The following SEZ6L variants were observed in gnomAD, a reference collection of about 807,000 sequenced individuals.
SEZ6L encodes seizure related 6 homolog like.
In SEZ6L, 37 loss-of-function variants were observed where a neutral mutation model predicts 106.2. That is an observed-to-expected ratio of 0.35 (90% CI 0.27 to 0.46). The LOEUF is 0.46. SEZ6L is among the 20% of genes least tolerant of loss of function. The probability of loss-of-function intolerance (pLI) is 1.00; values close to 1 mark genes in which losing one functional copy is unlikely to be tolerated. For synonymous variants in SEZ6L, 541 were observed against 570.4 expected (o/e 0.95, Z 0.73); for missense variants, 1,172 against 1,332.8 (o/e 0.88, Z 1.88).
At chr22:26,260,071 G>T (rs1345771428) in intron 1 of SEZ6L, among the ~76,000 whole-genome samples, 1 of 152,112 alleles carries the variant, frequency 6.6e-6, no homozygotes, top group East Asian at 1.9e-4. Flanking sequence ...TATACACAAT[G>T]CAAAGGTAAA....
chr22:26,290,527 G>C (rs1367956299), intron 1 of SEZ6L, among the ~76,000 whole-genome samples: 1 of 151,070 alleles, frequency 6.6e-6, no homozygotes, highest in African/African-American at 2.4e-5. Flanking sequence ...GTGAGACTCC[G>C]TCTCAAAAAA....
chr22:26,311,991 G>T, intron 8 of SEZ6L, 29 bp downstream of exon 8: 1 of 1,602,068 alleles, frequency 6.2e-7, no homozygotes, highest in Non-Finnish European at 8.5e-7. Context: ...CTCTTCCCAC[G>T]GCACCCCAGG....
rs1234649175 is a variant in SEZ6L, at chr22:26,292,230, G to A, written c.95-176G>A. The A allele has an allele frequency of 7.0e-6, 4 of 568,056 alleles. No homozygotes were observed. The East Asian group carries it at 1.2e-4, about 17-fold the overall frequency. 35.2% of individuals were successfully genotyped at this position (568,056 alleles called of 1,614,324 possible). A position where few individuals can be genotyped will look rare whatever the true frequency, so the allele number is the denominator to read the frequency against. ...AAGGAAGAAAAGAGAAAGAGGGAGA[G>A]AGGGAAGGAGGAGAAAAAAGAAAGG... On this transcript the variant is annotated intron_variant, in intron 1 of 16. Coordinates refer to ENST00000248933, the MANE Select transcript of SEZ6L (RefSeq NM_021115.5).
chr22:26,361,825 T>C (rs2146048175), intron 12 of SEZ6L, among the ~76,000 whole-genome samples: 1 of 152,140 alleles, frequency 6.6e-6, no homozygotes, highest in African/African-American at 2.4e-5. Context: ...TTAAATGAAA[T>C]GATGTGAGGT....
rs542295871 is a variant in SEZ6L at position 26,234,778 on chromosome 22, A to AGT, written c.95-57627_95-57626dup. 7.2e-5 allele frequency among the ~76,000 whole-genome samples: 11 copies of AGT among 152,380 alleles called. No individual in the cohort carries two copies. In the East Asian group the frequency reaches 2.1e-3, roughly 29 times the overall value. ...CAAATAGAGCACAGCCCCTGTCCTC[A>AGT]GTCTAGAAGGGACACAGCCACATAT... On this transcript the variant is annotated intron_variant, in intron 1 of 16. Coordinates refer to ENST00000248933, the MANE Select transcript of SEZ6L (RefSeq NM_021115.5).
At chr22:26,372,711 G>A (rs2146078429) in intron 13 of SEZ6L, among the ~76,000 whole-genome samples, 1 of 152,294 alleles carries the variant, frequency 6.6e-6, no homozygotes, top group East Asian at 1.9e-4. Flanking sequence ...CATGATGACT[G>A]ATGACAAAGA....
At chr22:26,293,175 C>A in intron 2 of SEZ6L, 29 bp downstream of exon 2, 1 of 1,476,938 alleles carries the variant, frequency 6.8e-7, no homozygotes, top group South Asian at 1.4e-5. Flanking sequence ...CTGAAGCCAT[C>A]CTGAAACAGC....
chr22:26,376,847 G>T (rs1184192624), intron 15 of SEZ6L, among the ~76,000 whole-genome samples: 1 of 152,226 alleles, frequency 6.6e-6, no homozygotes, highest in Non-Finnish European at 1.5e-5. Flanking sequence ...GACTAAAATA[G>T]ATCATCCCTG....
At chr22:26,378,539 G>C (rs139128439) in intron 16 of SEZ6L, among the ~76,000 whole-genome samples, 1 of 152,250 alleles carries the variant, frequency 6.6e-6, no homozygotes, top group East Asian at 1.9e-4. Flanking sequence ...TACTTTTTAA[G>C]GACTATGAAA....
chr22:26,277,067 A>ATTATCCGAT (rs1181376279), intron 1 of SEZ6L, among the ~76,000 whole-genome samples: 1 of 150,946 alleles, frequency 6.6e-6, no homozygotes, highest in Non-Finnish European at 1.5e-5. Context: ...ACAGAAGACG[A>ATTATCCGAT]TTATCCGATA....
chr22:26,345,330 T>A (rs2082971061), intron 10 of SEZ6L, among the ~76,000 whole-genome samples: 1 of 152,218 alleles, frequency 6.6e-6, no homozygotes, highest in South Asian at 2.1e-4. Flanking sequence ...TGGCAGCAAC[T>A]GAGAAATTAC....
At chr22:26,343,497 A>G (rs1444096437) in intron 10 of SEZ6L, among the ~76,000 whole-genome samples, 1 of 152,218 alleles carries the variant, frequency 6.6e-6, no homozygotes, top group Non-Finnish European at 1.5e-5. Flanking sequence ...ACTTTAACAT[A>G]TATTATTTTA....
intron 1 of SEZ6L, among the ~76,000 whole-genome samples, chr22:26,189,546 A>G (rs1002298702): frequency 2.0e-5 from 3 of 152,250 alleles, no homozygotes; most frequent in South Asian, 2.1e-4. Flanking sequence ...AGAAAATAAT[A>G]CAAACTTAAA....
At chr22:26,192,194 T>G (rs532520737) in intron 1 of SEZ6L, among the ~76,000 whole-genome samples, 1 of 152,314 alleles carries the variant, frequency 6.6e-6, no homozygotes, top group East Asian at 1.9e-4. Flanking sequence ...ATCCACCTGT[T>G]GATGAATCCA....
At chr22:26,229,010 T>G (rs1479906240) in intron 1 of SEZ6L, among the ~76,000 whole-genome samples, 1 of 152,154 alleles carries the variant, frequency 6.6e-6, no homozygotes, top group Non-Finnish European at 1.5e-5. Context: ...GTACTTTGTG[T>G]TTTTTTGAGA....
intron 12 of SEZ6L, among the ~76,000 whole-genome samples, chr22:26,356,714 T>C (rs2083448438): frequency 6.6e-6 from 1 of 151,650 alleles, no homozygotes; most frequent in South Asian, 2.1e-4. Flanking sequence ...GCTACGAGGA[T>C]GTGTATACCC....
At chr22:26,310,592 G>C in intron 6 of SEZ6L, 78 bp from the exon 7 acceptor site, 1 of 1,504,896 alleles carries the variant, frequency 6.6e-7, no homozygotes, top group East Asian at 2.3e-5. Context: ...AGAGGCAGTC[G>C]TAGCACATCC....
intron 12 of SEZ6L, among the ~76,000 whole-genome samples, chr22:26,362,136 C>G (rs1388622240): frequency 2.6e-5 from 4 of 152,198 alleles, no homozygotes; most frequent in African/African-American, 9.7e-5. Context: ...CCTTGCCAGC[C>G]CTCTTAGGTC....
rs1009932152 is a variant in SEZ6L, at chr22:26,326,064, G to A, written c.2015+12162G>A. On this transcript the variant is annotated intron_variant, in intron 9 of 16. Coordinates refer to ENST00000248933, the MANE Select transcript of SEZ6L (RefSeq NM_021115.5). Reference sequence around the variant, plus strand: ...GACTGATTAGCTTCCTCTCCCCCACGATTTGCAGGGGATTGTGGTGGTAAC... The same window carrying A: ...GACTGATTAGCTTCCTCTCCCCCACAATTTGCAGGGGATTGTGGTGGTAAC... Among the ~76,000 whole-genome samples the A allele has an allele frequency of 3.9e-5, 6 of 152,196 alleles. No individual in the cohort carries two copies. The East Asian group carries it at 1.2e-3, about 29-fold the overall frequency.
Sources: allele counts gnomAD v4.1 joint callset (sites outside exome capture counted in the v4.1 genomes callset), GRCh38; gene constraint gnomAD v4.1.1; transcripts MANE v1.5; gene names NCBI Gene and HGNC (gene_info 2026-07-23, HGNC 2026-07-21).